Variants in RFX7 observed in about 807,000 individuals in gnomAD.
RFX7 encodes the protein DNA-binding protein RFX7.
RFX7 carries 26 observed loss-of-function variants against 111.8 expected under a neutral mutation model. The observed-to-expected ratio is 0.23, with a 90% CI of 0.17 to 0.32. The LOEUF (loss-of-function observed/expected upper bound fraction) is 0.32, where lower values mean the gene tolerates loss of function less well. RFX7 is among the 10% of genes least tolerant of loss of function. RFX7 has a pLI of 1.00. For missense variants in RFX7, 1,573 were observed against 1,772.9 expected (o/e 0.89, Z 2.02); for synonymous variants, 624 against 624.4 (o/e 1.00, Z 0.01).
chr15:56,243,066 C>A, intron 2 of RFX7, 59 bp downstream of exon 2: 2 of 1,161,764 alleles, frequency 1.7e-6, no homozygotes. Context: ...GCCCCCCACC[C>A]ACTTTGCAGC....
intron 5 of RFX7, among the ~76,000 whole-genome samples, chr15:56,132,297 A>G (rs2042228363): frequency 6.6e-6 from 1 of 152,068 alleles, no homozygotes; most frequent in African/African-American, 2.4e-5. Flanking sequence ...AGGTATAAGG[A>G]GGAAAGATGG....
intron 2 of RFX7, among the ~76,000 whole-genome samples, chr15:56,202,253 A>T (rs1326115500): frequency 6.6e-6 from 1 of 152,238 alleles, no homozygotes; most frequent in Non-Finnish European, 1.5e-5. Context: ...TACATTAAGA[A>T]GTAAAAAACA....
At position 56,090,777 on chromosome 15, in the gene RFX7, G is replaced by A. The variant is rs554131409; in HGVS notation, c.*2568C>T. ...ACATTATAGTACAAGACTATTATAT[G>A]AACCTCAGAAGCACTGCACAAAAAA... On this transcript the variant is annotated 3_prime_UTR_variant, in exon 10 of 10. Coordinates refer to ENST00000559447, the MANE Select transcript of RFX7 (RefSeq NM_022841.7). 1.6e-4 allele frequency: 25 copies of A among 152,506 alleles called. No homozygotes were observed. The highest frequency in any genetic ancestry group is 2.9e-4 in the Non-Finnish European group (20 of 68,006). The allele number at this position is 152,506 out of a possible 1,614,324, so 9.4% of individuals were successfully genotyped here. A position where few individuals can be genotyped will look rare whatever the true frequency, so the allele number is the denominator to read the frequency against.
Position 56,094,606 on chromosome 15 carries a change from A to T in RFX7, c.3122T>A (p.Val1041Asp). The change falls in exon 10 of 10, where the codon GTC becomes GAC. Residue 1041 changes from valine to aspartate, a missense_variant. Physicochemically the swap from Val to Asp is radical, Grantham distance 152. This residue lies in a region of RFX7 where 32 missense variants were observed against 67.7 expected (regional missense o/e 0.47). Transcript: ENST00000559447. ...CATCGGTTTCACAGGACTACTTGAG[A>T]CAATGCTGGCGTCATGATATGCCAT... ...SSMAYHDASI[V>D]SSSPVKPMQR... The T allele has an allele frequency of 6.2e-7, 1 of 1,613,940 alleles. No individual in the cohort carries two copies. Among genetic ancestry groups the T allele is most frequent in the Non-Finnish European group, 8.5e-7 (1 of 1,179,870 alleles).
intron 5 of RFX7, among the ~76,000 whole-genome samples, chr15:56,106,025 G>A (rs1319425038): frequency 6.6e-6 from 1 of 152,162 alleles, no homozygotes; most frequent in African/African-American, 2.4e-5. Context: ...ACTTGGTGGT[G>A]ACAGTCTAAA....
intron 2 of RFX7, among the ~76,000 whole-genome samples, chr15:56,215,437 A>G (rs72738676): frequency 0.13 from 19,828 of 152,194 alleles, 1,694 homozygotes; most frequent in East Asian, 0.44. Context: ...ATTTTCCTGC[A>G]TCAATTTAGA....
At chr15:56,133,987 T>A (rs564124575) in intron 5 of RFX7, among the ~76,000 whole-genome samples, 89 of 152,298 alleles carry the variant, frequency 5.8e-4, no homozygotes, top group African/African-American at 2.0e-3. Context: ...AACTAATTCA[T>A]ACTCTGAGCT....
In RFX7 at chr15:56,227,993, G is replaced by A. The variant is rs111405782; in HGVS notation, c.161+15132C>T. The stretch of plus-strand genomic sequence containing the variant: ...GCTGGATACAAAATTCTAGGTTGGC[G>A]GTTTTACTTTCTTTTTCTTCAACAC... On this transcript the variant is annotated intron_variant, in intron 2 of 9. Transcript: ENST00000559447. 4.2e-3 allele frequency among the ~76,000 whole-genome samples: 637 copies of A among 152,020 alleles called. 4 individuals carry two copies. The highest frequency in any genetic ancestry group is 0.014 in the African/African-American group (588 of 41,478).
rs1265334741 is a variant in RFX7 at position 56,090,598 on chromosome 15, T to C, written c.*2747A>G. 3 of 152,540 alleles carry C rather than the reference T, an allele frequency of 2.0e-5. No homozygotes were observed. Among genetic ancestry groups the C allele is most frequent in the South Asian group, 2.1e-4 (1 of 4,834 alleles). 9.4% of individuals were successfully genotyped at this position (152,540 alleles called of 1,614,324 possible). On this transcript the variant is annotated 3_prime_UTR_variant, in exon 10 of 10. Coordinates refer to ENST00000559447, the MANE Select transcript of RFX7 (RefSeq NM_022841.7). ...TTTAAAAAACAATTTTTGAGCACTTTAATAAAAAAAGAGAACTGAAATGCT... is the reference window on the plus strand; with the variant it reads ...TTTAAAAAACAATTTTTGAGCACTTCAATAAAAAAAGAGAACTGAAATGCT...
intron 2 of RFX7, among the ~76,000 whole-genome samples, chr15:56,212,627 T>A (rs1433102730): frequency 6.6e-6 from 1 of 152,184 alleles, no homozygotes; most frequent in East Asian, 1.9e-4. Flanking sequence ...AAATTCTGTA[T>A]CTTCTGGTTC....
chr15:56,120,144 C>T (rs755354725), intron 5 of RFX7, among the ~76,000 whole-genome samples: 14 of 152,210 alleles, frequency 9.2e-5, no homozygotes, highest in East Asian at 1.9e-4. Flanking sequence ...GAACATGGAA[C>T]GCCTTTACAT....
intron 2 of RFX7, among the ~76,000 whole-genome samples, chr15:56,209,317 T>TA (rs1346425453): frequency 2.0e-5 from 3 of 150,876 alleles, no homozygotes; most frequent in African/African-American, 7.3e-5. Context: ...CCTAGAATAC[T>TA]AACACCTGCA....
At chr15:56,157,679 C>G (rs1257328953) in intron 3 of RFX7, among the ~76,000 whole-genome samples, 5 of 152,210 alleles carry the variant, frequency 3.3e-5, no homozygotes, top group African/African-American at 9.7e-5. Flanking sequence ...CTCCCAGGTT[C>G]AAGCATTCTC....
intron 5 of RFX7, among the ~76,000 whole-genome samples, chr15:56,141,479 T>G (rs987598970): frequency 6.6e-6 from 1 of 151,810 alleles, no homozygotes; most frequent in Non-Finnish European, 1.5e-5. Flanking sequence ...CTTGCCTATG[T>G]CACACAAGTT....
intron 2 of RFX7, among the ~76,000 whole-genome samples, chr15:56,219,995 G>C (rs978108289): frequency 4.6e-5 from 7 of 152,106 alleles, no homozygotes; most frequent in Non-Finnish European, 1.5e-5. Flanking sequence ...CAGTATATAA[G>C]CATTTCCTTT....
chr15:56,180,370 A>C (rs1206355461), intron 2 of RFX7, among the ~76,000 whole-genome samples: 1 of 152,164 alleles, frequency 6.6e-6, no homozygotes, highest in African/African-American at 2.4e-5. Flanking sequence ...AAAAAAAGTA[A>C]AGGATAAAGG....
At chr15:56,196,861 G>A (rs1295076437) in intron 2 of RFX7, among the ~76,000 whole-genome samples, 1 of 152,140 alleles carries the variant, frequency 6.6e-6, no homozygotes, top group East Asian at 1.9e-4. Context: ...TGCAACAAAT[G>A]TTTGGTATGG....
chr15:56,108,226 T>C (rs1381862651), intron 5 of RFX7, among the ~76,000 whole-genome samples: 6 of 152,300 alleles, frequency 3.9e-5, no homozygotes, highest in Middle Eastern at 6.8e-3. Context: ...ATCATCCTGA[T>C]ACCAAATCCT....
At chr15:56,137,139 T>C (rs1188187777) in intron 5 of RFX7, among the ~76,000 whole-genome samples, 1 of 152,218 alleles carries the variant, frequency 6.6e-6, no homozygotes, top group African/African-American at 2.4e-5. Flanking sequence ...TAAAATGAGT[T>C]AGGGAGGATT....
Sources: gnomAD v4.1 joint callset for allele counts (sites outside exome capture counted in the v4.1 genomes callset) on GRCh38, gnomAD v4.1.1 for gene constraint, gnomAD v4.1.1 regional missense constraint, MANE v1.5 for transcripts, NCBI Gene and HGNC (gene_info 2026-07-23, HGNC 2026-07-21) for gene names.